The following MFHAS1 variants were observed in gnomAD, a reference collection of about 807,000 sequenced individuals.
The protein encoded by MFHAS1 is multifunctional ROCO family signaling regulator 1.
Under a neutral mutation model 70.4 loss-of-function variants are expected in MFHAS1, and 50 were observed. The observed-to-expected ratio is 0.71, with a 90% CI of 0.57 to 0.90. The LOEUF (loss-of-function observed/expected upper bound fraction) is 0.90. MFHAS1 is among the 40% of genes least tolerant of loss of function. MFHAS1 has a pLI of 0.00. For missense variants in MFHAS1, 1,795 were observed against 1,347.6 expected (o/e 1.33, Z -5.20); for synonymous variants, 952 against 620.0 (o/e 1.54, Z -7.96).
At chr8:8,794,484 T>C (rs1233239593) in intron 2 of MFHAS1, among the ~76,000 whole-genome samples, 3 of 152,190 alleles carry the variant, frequency 2.0e-5, no homozygotes, top group African/African-American at 7.2e-5. Context: ...TGTTCATGGA[T>C]GTAAACTGTG....
rs1234807462 is a variant in MFHAS1, at chr8:8,893,541, G to A, written c.-483C>T. On this transcript the variant is annotated 5_prime_UTR_variant, in exon 1 of 3. Transcript: ENST00000276282. ...GGGGCGCAGCCGCGGGGAGGGGGCG[G>A]CGGCGCCTCCTTGTCTCCGTTTCCC... is the stretch of plus-strand genomic sequence containing the variant. 6.8e-6 allele frequency: 1 copy of A among 146,502 alleles called. No individual in the cohort carries two copies. Among genetic ancestry groups the A allele is most frequent in the Non-Finnish European group, 1.5e-5 (1 of 65,788 alleles). 9.1% of individuals were successfully genotyped at this position (146,502 alleles called of 1,614,324 possible).
At chr8:8,822,410 G>A (rs896560439) in intron 1 of MFHAS1, among the ~76,000 whole-genome samples, 40 of 151,346 alleles carry the variant, frequency 2.6e-4, no homozygotes, top group Non-Finnish European at 4.9e-4. Context: ...GGGATGGAGC[G>A]GGAGACAGGG....
At chr8:8,848,632 C>A (rs1452937120) in intron 1 of MFHAS1, among the ~76,000 whole-genome samples, 1 of 152,038 alleles carries the variant, frequency 6.6e-6, no homozygotes, top group Non-Finnish European at 1.5e-5. Flanking sequence ...TTTTTTTAAA[C>A]AATCAGATCT....
At chr8:8,882,046 T>C (rs575522610) in intron 1 of MFHAS1, among the ~76,000 whole-genome samples, 63 of 152,100 alleles carry the variant, frequency 4.1e-4, no homozygotes, top group African/African-American at 1.5e-3. Flanking sequence ...AAAAACCACA[T>C]GGGACAATGA....
chr8:8,829,270 T>A (rs1363742414), intron 1 of MFHAS1, among the ~76,000 whole-genome samples: 1 of 152,222 alleles, frequency 6.6e-6, no homozygotes, highest in South Asian at 2.1e-4. Context: ...CACCCCCACC[T>A]GGAGGTCCTC....
chr8:8,847,676 A>C (rs945241042), intron 1 of MFHAS1, among the ~76,000 whole-genome samples: 3 of 152,220 alleles, frequency 2.0e-5, no homozygotes, highest in Admixed American at 6.5e-5. Context: ...CAGACGTATA[A>C]AACAATTTTG....
intron 1 of MFHAS1, among the ~76,000 whole-genome samples, chr8:8,826,105 T>C (rs1807149907): frequency 6.6e-6 from 1 of 152,202 alleles, no homozygotes; most frequent in South Asian, 2.1e-4. Context: ...TCATTGTTTT[T>C]TTAAAAAATT....
At chr8:8,887,421 G>A (rs1269900594) in intron 1 of MFHAS1, among the ~76,000 whole-genome samples, 2 of 151,348 alleles carry the variant, frequency 1.3e-5, no homozygotes, top group African/African-American at 2.4e-5. Flanking sequence ...TTAATGTAAC[G>A]AGAAATGTAC....
At chr8:8,889,041 A>AC (rs1029770511) in intron 1 of MFHAS1, among the ~76,000 whole-genome samples, 3 of 151,738 alleles carry the variant, frequency 2.0e-5, no homozygotes, top group African/African-American at 7.3e-5. Flanking sequence ...AAAAAAAAAA[A>AC]AAACAAAAAA....
At chr8:8,792,035 C>T (rs745350710) in intron 2 of MFHAS1, among the ~76,000 whole-genome samples, 1 of 151,176 alleles carries the variant, frequency 6.6e-6, no homozygotes, top group African/African-American at 2.4e-5. Context: ...GTCAGGAGAT[C>T]GAGACCATCC....
chr8:8,856,991 A>G (rs1454687572), intron 1 of MFHAS1, among the ~76,000 whole-genome samples: 3 of 139,864 alleles, frequency 2.1e-5, no homozygotes, highest in African/African-American at 7.7e-5. Flanking sequence ...AAAAAAAAAA[A>G]AAAAAAAAAA....
intron 1 of MFHAS1, among the ~76,000 whole-genome samples, chr8:8,881,697 G>C (rs1228853942): frequency 6.6e-6 from 1 of 152,112 alleles, no homozygotes; most frequent in African/African-American, 2.4e-5. Flanking sequence ...AGTCAGGCGT[G>C]GTGGCAGTTG....
Position 8,892,553 on chromosome 8 carries a change from C to A in MFHAS1, c.506G>T (p.Arg169Leu). ...HLEELDVSFN[R>L]LAHLPDSLSC... ...GAGGGAGTCAGGCAGGTGCGCCAGC[C>A]GGTTAAAGCTGACATCCAGCTCCTC... The change falls in exon 1 of 3, where the codon CGG becomes CTG. Residue 169 changes from arginine (R) to leucine (L), a missense_variant. Coordinates refer to ENST00000276282, the MANE Select transcript of MFHAS1 (RefSeq NM_004225.3). This position sits in a 1 kb window ranked among gnomAD's most constrained non-coding sequence, Gnocchi z 4.7. The A allele has an allele frequency of 6.2e-7, 1 of 1,601,050 alleles. No homozygotes were observed. The highest frequency in any genetic ancestry group is 8.5e-7 in the Non-Finnish European group (1 of 1,174,338).
chr8:8,838,568 T>A (rs1479603176), intron 1 of MFHAS1, among the ~76,000 whole-genome samples: 3 of 152,174 alleles, frequency 2.0e-5, no homozygotes, highest in Non-Finnish European at 4.4e-5. Flanking sequence ...ATCCCAGCAC[T>A]TTGGGAGGCA....
chr8:8,846,270 G>T (rs1211547492), intron 1 of MFHAS1, among the ~76,000 whole-genome samples: 1 of 95,804 alleles, frequency 1.0e-5, no homozygotes, highest in East Asian at 5.4e-4. Flanking sequence ...AAGGGGGGGG[G>T]GGAAGGAGGA....
At chr8:8,849,684 G>C (rs1056580401) in intron 1 of MFHAS1, among the ~76,000 whole-genome samples, 1 of 152,162 alleles carries the variant, frequency 6.6e-6, no homozygotes, top group Non-Finnish European at 1.5e-5. Flanking sequence ...ACTTCATTGT[G>C]GTCAAGGGAA....
chr8:8,809,354 T>C (rs952547056), intron 1 of MFHAS1, among the ~76,000 whole-genome samples: 26 of 152,178 alleles, frequency 1.7e-4, no homozygotes, highest in South Asian at 2.1e-4. Flanking sequence ...CTTGGTGATA[T>C]AGACATACAG....
At chr8:8,841,934 T>C (rs1459603220) in intron 1 of MFHAS1, among the ~76,000 whole-genome samples, 2 of 152,218 alleles carry the variant, frequency 1.3e-5, no homozygotes, top group African/African-American at 4.8e-5. Flanking sequence ...GTGTTCTGCA[T>C]TAGCTCCAGA....
Position 8,891,118 on chromosome 8 carries a change from C to G in MFHAS1, c.1941G>C (p.Glu647Asp), listed in dbSNP as rs1046066431. Residue 647 changes from glutamate to aspartate, a missense_variant, in exon 1 of 3, where the codon GAG becomes GAC. Physicochemically the swap from Glu to Asp is conservative, Grantham distance 45. Transcript: ENST00000276282. The surrounding 1 kb of genome is among the most constrained non-coding windows in gnomAD (Gnocchi z 5.4). The stretch of plus-strand genomic sequence containing the variant: ...GTAAGTTGGGGAAGATCTCTCGGTG[C>G]TCAGCAACTGACAGCAACTTGTCCC... ...RLRDKLLSVAEHREIFPNLHR... is the reference protein window; with the variant it reads ...RLRDKLLSVADHREIFPNLHR... 6.2e-7 allele frequency: 1 copy of G among 1,613,884 alleles called. No individual in the cohort carries two copies. The highest frequency in any genetic ancestry group is 1.1e-5 in the South Asian group (1 of 91,076).
Sources: gnomAD v4.1 joint callset for allele counts (sites outside exome capture counted in the v4.1 genomes callset) on GRCh38, gnomAD v4.1.1 for gene constraint, Gnocchi (gnomAD v3.1) non-coding constraint, MANE v1.5 for transcripts, NCBI Gene and HGNC (gene_info 2026-07-23, HGNC 2026-07-21) for gene names.